The following ANKRD16 variants were observed in gnomAD, a reference collection of about 807,000 sequenced individuals.
ANKRD16 encodes ankyrin repeat domain 16.
A neutral mutation model predicts 37.9 loss-of-function variants in ANKRD16; 35 were observed. That is an observed-to-expected ratio of 0.92 (90% CI 0.71 to 1.23). The LOEUF is 1.23. Ranked by LOEUF, ANKRD16 falls within the 50% of genes most tolerant of loss-of-function variation. ANKRD16 has a pLI of 0.00. For missense variants in ANKRD16, 480 were observed against 469.9 expected, an observed-to-expected ratio of 1.02 and a Z score of -0.20; for synonymous variants, 206 against 197.2, an observed-to-expected ratio of 1.04 and a Z score of -0.37.
intron 5 of ANKRD16, among the ~76,000 whole-genome samples, chr10:5,881,438 T>TTATAAATATATATA (rs1422263395): frequency 0.065 from 3,274 of 50,516 alleles, 371 homozygotes; most frequent in East Asian, 0.13. Flanking sequence ...AAAATATTAT[T>TTATAAATATATATA]TATATATATA....
At chr10:5,884,908 T>C (rs1268586077) in intron 3 of ANKRD16, among the ~76,000 whole-genome samples, 1 of 152,212 alleles carries the variant, frequency 6.6e-6, no homozygotes, top group Non-Finnish European at 1.5e-5. Context: ...CTGTCTGGAA[T>C]GGTCCCTTGC....
chr10:5,884,004 T>C lies in ANKRD16; in HGVS notation c.652A>G (p.Ile218Val), dbSNP rs778820786. The change falls in exon 4 of 8, where the codon ATC becomes GTC. Residue 218 changes from isoleucine (I) to valine (V), a missense_variant. Coordinates refer to ENST00000380094, the MANE Select transcript of ANKRD16 (RefSeq NM_019046.3). Reference protein sequence around the residue: ...ALMDAIQCGHIDVARLLLDEH... With the variant: ...ALMDAIQCGHVDVARLLLDEH... ...TCGAGGAGCAGCCTAGCGACGTCGA[T>C]GTGCCCACACTGGATTGCGTCCATC... 5.0e-6 allele frequency: 8 copies of C among 1,614,188 alleles called. No homozygotes were observed. Among genetic ancestry groups the C allele is most frequent in the Non-Finnish European group, 6.8e-6 (8 of 1,180,016 alleles).
intron 5 of ANKRD16, among the ~76,000 whole-genome samples, chr10:5,880,634 C>CG (rs1564417593): frequency 6.6e-6 from 1 of 150,484 alleles, no homozygotes; most frequent in African/African-American, 2.5e-5. Flanking sequence ...ATAAAAGGAG[C>CG]AGGGGGGGGA....
chr10:5,873,125 G>A (rs1438106856), intron 7 of ANKRD16, among the ~76,000 whole-genome samples: 3 of 151,490 alleles, frequency 2.0e-5, no homozygotes, highest in South Asian at 2.1e-4. Flanking sequence ...CGCCTCCCGG[G>A]TTTAAGCAAT....
chr10:5,886,192 G>A (rs1842420203), intron 2 of ANKRD16, among the ~76,000 whole-genome samples: 1 of 152,188 alleles, frequency 6.6e-6, no homozygotes, highest in Non-Finnish European at 1.5e-5. Flanking sequence ...CCACTATTTT[G>A]GGTGAATGAT....
intron 2 of ANKRD16, among the ~76,000 whole-genome samples, chr10:5,886,359 G>A (rs1842423174): frequency 6.6e-6 from 1 of 152,236 alleles, no homozygotes; most frequent in Admixed American, 6.5e-5. Context: ...GGGAGGCCAA[G>A]GTGGGTGGAT....
chr10:5,887,795 G>C, intron 2 of ANKRD16, 52 bp downstream of exon 2: 1 of 1,553,790 alleles, frequency 6.4e-7, no homozygotes, highest in Non-Finnish European at 8.8e-7. Context: ...GGCAGTGCTG[G>C]GTGAAGCAGC....
intron 7 of ANKRD16, among the ~76,000 whole-genome samples, chr10:5,875,948 A>T (rs887788991): frequency 2.6e-5 from 4 of 151,874 alleles, no homozygotes; most frequent in African/African-American, 9.7e-5. Flanking sequence ...CAGTGGCACG[A>T]TCTCGGCTCA....
At chr10:5,867,487 C>T (rs182033068) in intron 7 of ANKRD16, among the ~76,000 whole-genome samples, 26 of 152,330 alleles carry the variant, frequency 1.7e-4, no homozygotes, top group Non-Finnish European at 3.1e-4. Context: ...CCATCTATAC[C>T]ATTTCTAAGA....
Position 5,861,825 on chromosome 10 carries a change from C to G in ANKRD16, c.*900G>C, listed in dbSNP as rs1841944721. ...ATTCTTTAACTAGCTGGGCATTCCACAGCTTCACTGTTGGTATCATCTGTG... is the reference window on the plus strand; with the variant it reads ...ATTCTTTAACTAGCTGGGCATTCCAGAGCTTCACTGTTGGTATCATCTGTG... On this transcript the variant is annotated 3_prime_UTR_variant, in exon 8 of 8. Transcript: ENST00000380094. 3.3e-5 allele frequency: 5 copies of G among 151,510 alleles called. No individual in the cohort carries two copies. Among genetic ancestry groups the G allele is most frequent in the Admixed American group, 3.3e-4 (5 of 15,186 alleles). The allele number at this position is 151,510 out of a possible 1,614,324, so 9.4% of individuals were successfully genotyped here.
At chr10:5,876,545 T>A (rs1842188806) in intron 7 of ANKRD16, among the ~76,000 whole-genome samples, 1 of 152,156 alleles carries the variant, frequency 6.6e-6, no homozygotes, top group Non-Finnish European at 1.5e-5. Context: ...AACAGAAAAG[T>A]GGTAACTACA....
At position 5,870,774 on chromosome 10, in the gene ANKRD16, A is replaced by G. The variant is rs1215442361; in HGVS notation, c.*33+7323T>C. Among the ~76,000 whole-genome samples, 2 of 152,144 alleles carry G rather than the reference A, an allele frequency of 1.3e-5. No homozygotes were observed. The highest frequency in any genetic ancestry group is 3.2e-3 in the Middle Eastern group (1 of 316). On this transcript the variant is annotated intron_variant, in intron 7 of 7. Transcript: ENST00000380094. The surrounding 1 kb of genome is among the most constrained non-coding windows in gnomAD (Gnocchi z 5.0). ...GGCCTTCCAGAGTAGGAAGAGTAAC[A>G]AGAGACCTGGTTCACCTGTGGTGAA...
chr10:5,871,468 A>T lies in ANKRD16; in HGVS notation c.*33+6629T>A, dbSNP rs1463800635. Among the ~76,000 whole-genome samples the T allele has an allele frequency of 6.6e-6, 1 of 152,158 alleles. No homozygotes were observed. Among genetic ancestry groups the T allele is most frequent in the Non-Finnish European group, 1.5e-5 (1 of 68,016 alleles). On this transcript the variant is annotated intron_variant, in intron 7 of 7. Transcript: ENST00000380094. This position sits in a 1 kb window ranked among gnomAD's most constrained non-coding sequence, Gnocchi z 4.5. Reference sequence around the variant, plus strand: ...CTTTCCAACTGAAAGAGTGTAATTTAAAAAAGTGTAAAAACTGCCAAATGT... The same window carrying T: ...CTTTCCAACTGAAAGAGTGTAATTTTAAAAAGTGTAAAAACTGCCAAATGT...
chr10:5,889,205 C>T lies in ANKRD16; in HGVS notation c.150G>A (p.Arg50=), dbSNP rs1008057364. Residue 50 remains arginine (R), a synonymous_variant, in exon 1 of 8, where the codon CGG becomes CGA. Transcript: ENST00000380094. ...LLHCAARHGH[R]DVLAYLAEAW... is the part of the protein sequence containing the mutation. ...CCTCGGCCAGATAGGCCAGCACGTC[C>T]CGATGCCCGTGGCGCGCGGCGCAGT... 1 of 1,595,568 alleles carries T rather than the reference C, an allele frequency of 6.3e-7. No homozygotes were observed. Among genetic ancestry groups the T allele is most frequent in the Non-Finnish European group, 8.5e-7 (1 of 1,178,504 alleles).
rs1396457405 is a variant in ANKRD16, at chr10:5,865,537, G to A, written c.*34-2846C>T. The stretch of plus-strand genomic sequence containing the variant: ...TCCTTGAGGTCTGTTACCATCTGAG[G>A]CTCAGTGTTAATCTCCTGTCCCAGA... On this transcript the variant is annotated intron_variant, in intron 7 of 7. Coordinates refer to ENST00000380094, the MANE Select transcript of ANKRD16 (RefSeq NM_019046.3). The surrounding 1 kb of genome is among the most constrained non-coding windows in gnomAD (Gnocchi z 4.7). Among the ~76,000 whole-genome samples the A allele has an allele frequency of 6.6e-6, 1 of 152,060 alleles. No homozygotes were observed. The highest frequency in any genetic ancestry group is 1.5e-5 in the Non-Finnish European group (1 of 68,000).
rs186470684 is a variant in ANKRD16 at position 5,877,460 on chromosome 10, C to G, written c.*33+637G>C. Among the ~76,000 whole-genome samples the G allele has an allele frequency of 2.6e-3, 390 of 152,316 alleles. 3 individuals carry two copies. Among genetic ancestry groups the G allele is most frequent in the African/African-American group, 9.1e-3 (378 of 41,562 alleles). ...ATTTATTACTTGAAGGGGGTCAATA[C>G]TGAATTTATCTATTAAAACAAACAA... On this transcript the variant is annotated intron_variant, in intron 7 of 7. Coordinates refer to ENST00000380094, the MANE Select transcript of ANKRD16 (RefSeq NM_019046.3).
intron 6 of ANKRD16, 142 bp downstream of exon 6, chr10:5,880,156 G>A (rs1385704885): frequency 7.4e-6 from 3 of 402,976 alleles, no homozygotes; most frequent in Non-Finnish European, 3.9e-6. Flanking sequence ...GGAAACTCTT[G>A]TCTCAACACC....
At chr10:5,887,708 C>CCG (rs1433532977) in intron 2 of ANKRD16, 139 bp downstream of exon 2, 17 of 194,160 alleles carry the variant, frequency 8.8e-5, no homozygotes, top group East Asian at 4.7e-4. Flanking sequence ...CCCTCCCCCC[C>CCG]AGATGTTCTT....
intron 7 of ANKRD16, among the ~76,000 whole-genome samples, chr10:5,873,026 A>G (rs1842127500): frequency 1.1e-5 from 1 of 88,846 alleles, no homozygotes; most frequent in Admixed American, 1.3e-4. Flanking sequence ...CACCTGGCTA[A>G]TCTTTTTTTT....
Sources: allele counts gnomAD v4.1 joint callset (sites outside exome capture counted in the v4.1 genomes callset), GRCh38; gene constraint gnomAD v4.1.1; non-coding constraint Gnocchi (gnomAD v3.1); transcripts MANE v1.5; gene names NCBI Gene and HGNC (gene_info 2026-07-23, HGNC 2026-07-21).